Variants in MYO16 observed in about 807,000 individuals in gnomAD.
MYO16 encodes unconventional myosin-XVI.
A neutral mutation model predicts 205.3 loss-of-function variants in MYO16; 94 were observed. That is an observed-to-expected ratio of 0.46 (90% CI 0.39 to 0.54). The LOEUF is 0.54. MYO16 is among the 20% of genes least tolerant of loss of function. The pLI is 0.00. For synonymous variants in MYO16, 988 were observed against 954.0 expected (o/e 1.04, Z -0.66); for missense variants, 2,315 against 2,387.5 (o/e 0.97, Z 0.63).
chr13:109,026,893 T>G (rs1047323314), intron 23 of MYO16, among the ~76,000 whole-genome samples: 3 of 152,190 alleles, frequency 2.0e-5, no homozygotes, highest in Non-Finnish European at 4.4e-5. Flanking sequence ...ACCACATTCT[T>G]GGATGTAAAT....
At chr13:109,146,641 T>G (rs1877344260) in intron 32 of MYO16, among the ~76,000 whole-genome samples, 1 of 151,866 alleles carries the variant, frequency 6.6e-6, no homozygotes, top group Non-Finnish European at 1.5e-5. Flanking sequence ...ACAATAATGA[T>G]AATAAAATAG....
rs551994061 is a variant in MYO16, at chr13:108,651,706, G to A, written c.29-14180G>A. 4.6e-5 allele frequency among the ~76,000 whole-genome samples: 7 copies of A among 152,264 alleles called. No homozygotes were observed. The South Asian group carries it at 1.2e-3, about 27-fold the overall frequency. On this transcript the variant is annotated intron_variant, in intron 1 of 34. Transcript: ENST00000457511. ...GTAAACTAGTGAAATGAAAAATATT[G>A]TTGACTTTCTTGAGAAGAATTTAAA...
At chr13:108,648,797 T>C (rs944292441) in intron 1 of MYO16, among the ~76,000 whole-genome samples, 13 of 152,106 alleles carry the variant, frequency 8.5e-5, no homozygotes. Context: ...GTATTGGCTT[T>C]TATATTTGGA....
At chr13:108,820,621 TCA>T (rs1340940234) in intron 8 of MYO16, among the ~76,000 whole-genome samples, 2 of 151,922 alleles carry the variant, frequency 1.3e-5, no homozygotes. Flanking sequence ...AAGAGGCTAT[TCA>T]CAGTTTAATC....
intron 2 of MYO16, among the ~76,000 whole-genome samples, chr13:108,673,661 C>A (rs113689802): frequency 6.6e-6 from 1 of 152,146 alleles, no homozygotes; most frequent in Non-Finnish European, 1.5e-5. Flanking sequence ...GACTCTGATT[C>A]TAACTCTGTT....
intron 6 of MYO16, 79 bp from the exon 7 acceptor site, chr13:108,806,600 C>A: frequency 2.4e-6 from 3 of 1,241,618 alleles, no homozygotes; most frequent in Non-Finnish European, 2.3e-6. Flanking sequence ...CATTAAGTAG[C>A]TCTCTTTAAA....
At chr13:108,988,759 G>A (rs928211696) in intron 20 of MYO16, among the ~76,000 whole-genome samples, 17 of 152,094 alleles carry the variant, frequency 1.1e-4, no homozygotes, top group Non-Finnish European at 2.4e-4. Flanking sequence ...TGATTATAGG[G>A]TCTCTTCTGC....
intron 28 of MYO16, among the ~76,000 whole-genome samples, chr13:109,103,138 G>C (rs1437767343): frequency 6.6e-6 from 1 of 152,030 alleles, no homozygotes; most frequent in Non-Finnish European, 1.5e-5. Context: ...AGGAAAAAAA[G>C]ATTTTGTTAA....
In MYO16 at chr13:109,141,146, C is replaced by A; in HGVS notation, c.4934C>A (p.Ala1645Asp). 13 of 1,599,778 alleles carry A rather than the reference C, an allele frequency of 8.1e-6. No individual in the cohort carries two copies. The highest frequency in any genetic ancestry group is 1.1e-5 in the Non-Finnish European group (13 of 1,173,132). Residue 1645 changes from alanine to aspartate, a missense_variant, in exon 32 of 35, where the codon GCC (alanine) becomes GAC (aspartate). Physicochemically the swap from Ala to Asp is moderately radical, Grantham distance 126. Around this residue, in one of 3 missense-constraint regions of MYO16, gnomAD observed 1,097 missense variants for 1,092.0 expected, o/e 1.00. Transcript: ENST00000457511. This position sits in a 1 kb window ranked among gnomAD's most constrained non-coding sequence, Gnocchi z 4.1. The stretch of plus-strand genomic sequence containing the variant: ...AAGGTTCACCCAAAGCCAAACTCTG[C>A]CCCCGTGGCCGGGCCCTGCAGCTCC... Reference protein sequence around the residue: ...APKVHPKPNSAPVAGPCSSFP... With the variant: ...APKVHPKPNSDPVAGPCSSFP...
chr13:108,522,502 G>C, the MYO16 span, among the ~76,000 whole-genome samples: 1 of 152,072 alleles, frequency 6.6e-6, no homozygotes, highest in East Asian at 1.9e-4. Context: ...CCCAAACTGG[G>C]TGGCTTTAAC....
chr13:108,621,160 G>T (rs16972789), intron 1 of MYO16, among the ~76,000 whole-genome samples: 5,046 of 152,204 alleles, frequency 0.033, 264 homozygotes, highest in African/African-American at 0.11. Flanking sequence ...AGCTTCGGGT[G>T]CCTGCTCCAT....
chr13:109,082,554 G>A (rs959803545), intron 27 of MYO16, among the ~76,000 whole-genome samples: 1 of 152,156 alleles, frequency 6.6e-6, no homozygotes, highest in Non-Finnish European at 1.5e-5. Context: ...AAAAAAGCAG[G>A]CTAGGTGCAG....
chr13:108,953,865 G>GT (rs1883247356), intron 16 of MYO16, among the ~76,000 whole-genome samples: 1 of 152,116 alleles, frequency 6.6e-6, no homozygotes. Flanking sequence ...AAGGCATTGT[G>GT]TTTTTTTCTT....
At chr13:108,858,272 T>C (rs1878291080) in intron 11 of MYO16, among the ~76,000 whole-genome samples, 1 of 152,224 alleles carries the variant, frequency 6.6e-6, no homozygotes. Flanking sequence ...TTTTAGTAAT[T>C]CTTTTTATTA....
chr13:109,070,286 A>C (rs150667055), intron 27 of MYO16, among the ~76,000 whole-genome samples: 3 of 152,190 alleles, frequency 2.0e-5, no homozygotes, highest in Non-Finnish European at 4.4e-5. Flanking sequence ...TGTAATTCCC[A>C]ATAGACTCTA....
intron 6 of MYO16, among the ~76,000 whole-genome samples, chr13:108,800,998 G>A (rs775713443): frequency 1.2e-4 from 19 of 152,070 alleles, no homozygotes; most frequent in Middle Eastern, 3.2e-3. Flanking sequence ...TGTTAATATC[G>A]TTGATTATGT....
chr13:108,913,007 A>G (rs2139241213), intron 16 of MYO16, among the ~76,000 whole-genome samples: 1 of 152,260 alleles, frequency 6.6e-6, no homozygotes. Context: ...GGATTTCTGT[A>G]TTGAGCTTCA....
At chr13:108,721,500 G>T (rs1884161048) in intron 3 of MYO16, among the ~76,000 whole-genome samples, 1 of 152,132 alleles carries the variant, frequency 6.6e-6, no homozygotes, top group Non-Finnish European at 1.5e-5. Context: ...ATGACATTTT[G>T]GGGATCTTAT....
Position 108,666,060 on chromosome 13 carries a change from A to C in MYO16, c.203A>C (p.Lys68Thr). 1.2e-6 allele frequency: 2 copies of C among 1,614,162 alleles called. No homozygotes were observed. The highest frequency in any genetic ancestry group is 1.7e-6 in the Non-Finnish European group (2 of 1,180,002). ...KAFQKQEGFL[K>T]RLKHAKNPKV... ...TTTCAGAAGCAGGAAGGGTTCCTGA[A>C]AAGGCTGAAGCATGCGAAGAATCCG... Residue 68 changes from lysine to threonine, a missense_variant, in exon 2 of 35, where the codon AAA becomes ACA. Physicochemically the swap from Lys to Thr is moderately conservative, Grantham distance 78. Coordinates refer to ENST00000457511, the MANE Select transcript of MYO16 (RefSeq NM_001198950.3).
Sources: gnomAD v4.1 joint callset for allele counts (sites outside exome capture counted in the v4.1 genomes callset) on GRCh38, gnomAD v4.1.1 for gene constraint, gnomAD v4.1.1 regional missense constraint, Gnocchi (gnomAD v3.1) non-coding constraint, MANE v1.5 for transcripts, NCBI Gene and HGNC (gene_info 2026-07-23, HGNC 2026-07-21) for gene names.